The following PZP variants were observed in gnomAD, a reference collection of about 807,000 sequenced individuals.
PZP encodes PZP alpha-2-macroglobulin like, also known as pregnancy zone protein.
PZP carries 150 observed loss-of-function variants against 179.8 expected under a neutral mutation model. That is an observed-to-expected ratio of 0.83 (90% CI 0.73 to 0.96). PZP has a LOEUF of 0.96. Among genes scored for constraint, PZP ranks in the 40% least tolerant of loss-of-function variants. The pLI, the probability that PZP is intolerant of heterozygous loss-of-function variation, is 0.00. For missense variants in PZP, 1,689 were observed against 1,764.0 expected (o/e 0.96, Z 0.76); for synonymous variants, 624 against 652.3 (o/e 0.96, Z 0.66).
Position 9,151,603 on chromosome 12 carries a change from C to A in PZP, c.4281+1G>T, listed in dbSNP as rs1398194203. ...CTCAGCCAGGATGTCAGAGCCCTCA[C>A]CTGTTCCACATAAATGAGGACATGG... On this transcript the variant is annotated splice_donor_variant, in intron 33 of 35. Coordinates refer to ENST00000261336, the MANE Select transcript of PZP (RefSeq NM_002864.3). LOFTEE classifies it high-confidence loss of function. The A allele has an allele frequency of 6.2e-7, 1 of 1,613,336 alleles. No individual in the cohort carries two copies. Among genetic ancestry groups the A allele is most frequent in the South Asian group, 1.1e-5 (1 of 90,974 alleles).
chr12:9,185,982 AT>A (rs1754683083), intron 13 of PZP, among the ~76,000 whole-genome samples: 1 of 151,568 alleles, frequency 6.6e-6, no homozygotes, highest in East Asian at 1.9e-4. Flanking sequence ...TAATTTTTGT[AT>A]TTTTAGTAGA....
chr12:9,200,334 A>C (rs768446661), intron 7 of PZP, 30 bp downstream of exon 7: 1 of 1,503,012 alleles, frequency 6.7e-7, no homozygotes, highest in South Asian at 1.2e-5. Flanking sequence ...GGCAAAATAT[A>C]AAATTTTAGA....
At chr12:9,204,902 C>T (rs1484355623) in intron 1 of PZP, among the ~76,000 whole-genome samples, 1 of 151,804 alleles carries the variant, frequency 6.6e-6, no homozygotes, top group Non-Finnish European at 1.5e-5. Flanking sequence ...TGAGAACAGC[C>T]TGCACAACAT....
At position 9,150,659 on chromosome 12, in the gene PZP, C is replaced by T; in HGVS notation, c.4369G>A (p.Asp1457Asn). ...TTTCACTCACCTGTCTCATAGTAAT[C>T]ATAGACTTTAACAATTGCTGGCTTC... Reference protein sequence around the residue: ...DLKPAIVKVYDYYETDESVVA... With the variant: ...DLKPAIVKVYNYYETDESVVA... Residue 1457 changes from aspartate to asparagine, a missense_variant, in exon 34 of 36, where the codon GAT becomes AAT. Transcript: ENST00000261336. The T allele has an allele frequency of 1.2e-6, 2 of 1,605,892 alleles. No homozygotes were observed. The highest frequency in any genetic ancestry group is 3.4e-5 in the Admixed American group (2 of 59,600).
intron 11 of PZP, among the ~76,000 whole-genome samples, chr12:9,193,037 G>A (rs1943547937): frequency 6.6e-6 from 1 of 152,152 alleles, no homozygotes; most frequent in Admixed American, 6.5e-5. Flanking sequence ...ACTCAAACAA[G>A]TGGAAAAGGG....
chr12:9,187,614 G>A (rs2121051976), intron 13 of PZP, among the ~76,000 whole-genome samples: 3 of 152,258 alleles, frequency 2.0e-5, no homozygotes, highest in Middle Eastern at 6.8e-3. Flanking sequence ...GCAGAAATCA[G>A]GAAGTTCTTT....
At chr12:9,188,721 C>T (rs1252373398) in intron 13 of PZP, among the ~76,000 whole-genome samples, 2 of 152,148 alleles carry the variant, frequency 1.3e-5, no homozygotes, top group African/African-American at 4.8e-5. Flanking sequence ...CATTCCTATA[C>T]ACCAACAACA....
the PZP span, among the ~76,000 whole-genome samples, chr12:9,137,087 C>T: frequency 2.1e-4 from 32 of 152,202 alleles, no homozygotes; most frequent in Non-Finnish European, 3.7e-4. Flanking sequence ...GGTGTCATAT[C>T]CAAGAAATCA....
In PZP at chr12:9,165,142, G is replaced by T; in HGVS notation, c.2484C>A (p.Ile828=). The T allele has an allele frequency of 6.2e-7, 1 of 1,613,406 alleles. No individual in the cohort carries two copies. Among genetic ancestry groups the T allele is most frequent in the Non-Finnish European group, 8.5e-7 (1 of 1,179,384 alleles). The change falls in exon 19 of 36, where the codon ATC becomes ATA. Residue 828 remains isoleucine (I), a synonymous_variant. Coordinates refer to ENST00000261336, the MANE Select transcript of PZP (RefSeq NM_002864.3). ...ATVLNYLPKC[I]RVSVQLKASP... ...TGTTCACCCTCATTTTCCTTACCCGGATGCATTTGGGAAGGTAGTTTAGGA... is the reference window on the plus strand; with the variant it reads ...TGTTCACCCTCATTTTCCTTACCCGTATGCATTTGGGAAGGTAGTTTAGGA...
intron 21 of PZP, 116 bp from the exon 22 acceptor site, chr12:9,162,764 T>A (rs1941300297): frequency 5.8e-6 from 5 of 861,742 alleles, no homozygotes; most frequent in Non-Finnish European, 9.1e-6. Flanking sequence ...ACCATCCTAC[T>A]CTTTTTTTCC....
At chr12:9,156,262 T>C (rs1592447792) in intron 28 of PZP, 1 of 208,792 alleles carries the variant, frequency 4.8e-6, no homozygotes, top group South Asian at 9.5e-5. Context: ...TACCTTCGCT[T>C]TGGGAAACTT....
chr12:9,182,160 C>CAAA, intron 13 of PZP, 43 bp from the exon 14 acceptor site: 3 of 1,571,824 alleles, frequency 1.9e-6, no homozygotes, highest in Non-Finnish European at 2.6e-6. Flanking sequence ...ATAAGTGAGA[C>CAAA]AAAAAGGTCA....
downstream of PZP, among the ~76,000 whole-genome samples, chr12:9,145,605 T>C (rs1471407507): frequency 1.3e-5 from 2 of 152,356 alleles, no homozygotes; most frequent in East Asian, 1.9e-4. Flanking sequence ...TACAGTATCA[T>C]GTGTTTTTCT....
chr12:9,198,116 G>A (rs1943940437), intron 7 of PZP, among the ~76,000 whole-genome samples: 1 of 150,774 alleles, frequency 6.6e-6, no homozygotes, highest in Admixed American at 6.7e-5. Flanking sequence ...ACTTTGGGAA[G>A]CCAAGAAGGA....
intron 13 of PZP, among the ~76,000 whole-genome samples, chr12:9,183,537 C>T (rs1378664156): frequency 6.6e-6 from 1 of 152,052 alleles, no homozygotes; most frequent in African/African-American, 2.4e-5. Flanking sequence ...GTAGCTGGGA[C>T]TATAGGTGCA....
intron 7 of PZP, among the ~76,000 whole-genome samples, chr12:9,197,611 T>A (rs764137960): frequency 3.1e-5 from 3 of 95,458 alleles, no homozygotes; most frequent in East Asian, 2.7e-4. Flanking sequence ...TAATATATAT[T>A]ATATATTTAT....
At position 9,158,520 on chromosome 12, in the gene PZP, T is replaced by A. The variant is rs1214245127; in HGVS notation, c.3194A>T (p.Asp1065Val). The A allele has an allele frequency of 3.7e-6, 6 of 1,614,136 alleles. No homozygotes were observed. The highest frequency in any genetic ancestry group is 5.1e-6 in the Non-Finnish European group (6 of 1,180,002). Residue 1065 changes from aspartate to valine, a missense_variant, in exon 26 of 36, where the codon GAT becomes GTT. Asp to Val is a radical substitution (Grantham distance 152). Around this residue, in one of 3 missense-constraint regions of PZP, gnomAD observed 746 missense variants for 749.2 expected, o/e 1.00. Coordinates refer to ENST00000261336, the MANE Select transcript of PZP (RefSeq NM_002864.3). ...FAQARSYIFI[D>V]EAHITQSLTW... ...GAGAGATTGGGTAATGTGTGCTTCA[T>A]CAATGAAGATGTAGGATCGAGCCTG...
At chr12:9,145,206 A>G (rs977470160), downstream of PZP, among the ~76,000 whole-genome samples, 1 of 152,100 alleles carries the variant, frequency 6.6e-6, no homozygotes, top group Non-Finnish European at 1.5e-5. Context: ...TATTTTTGCC[A>G]TGTTAGTTGT....
chr12:9,154,626 G>C lies in PZP; in HGVS notation c.3764C>G (p.Ser1255Cys), dbSNP rs930664497. The change falls in exon 29 of 36, where the codon TCC becomes TGC. Residue 1255 changes from serine (S) to cysteine (C), a missense_variant. Ser to Cys is a moderately radical substitution (Grantham distance 112). Coordinates refer to ENST00000261336, the MANE Select transcript of PZP (RefSeq NM_002864.3). ...TTGGGAACCACTGACCTGGGTGGAGGAGAAACCACCTTGGGCGTTCTGCTG... is the reference window on the plus strand; with the variant it reads ...TTGGGAACCACTGACCTGGGTGGAGCAGAAACCACCTTGGGCGTTCTGCTG... ...MKQQNAQGGFSSTQDTVVALH... is the reference protein window; with the variant it reads ...MKQQNAQGGFCSTQDTVVALH... 6 of 1,614,016 alleles carry C rather than the reference G, an allele frequency of 3.7e-6. No individual in the cohort carries two copies. The highest frequency in any genetic ancestry group is 5.1e-6 in the Non-Finnish European group (6 of 1,180,014).
Sources: allele counts gnomAD v4.1 joint callset (sites outside exome capture counted in the v4.1 genomes callset), GRCh38; gene constraint gnomAD v4.1.1; regional missense constraint gnomAD v4.1.1; transcripts MANE v1.5; gene names NCBI Gene and HGNC (gene_info 2026-07-23, HGNC 2026-07-21).